Variants in ZDHHC18 observed in about 807,000 individuals in gnomAD.
ZDHHC18 encodes the protein palmitoyltransferase ZDHHC18.
A neutral mutation model predicts 37.5 loss-of-function variants in ZDHHC18; 23 were observed. That is an observed-to-expected ratio of 0.61 (90% CI 0.44 to 0.87). ZDHHC18 has a LOEUF of 0.87. Ranked by LOEUF, ZDHHC18 falls within the 40% of genes least tolerant of loss-of-function variation. ZDHHC18 has a pLI of 0.00. For missense variants in ZDHHC18, 406 were observed against 525.6 expected (o/e 0.77, Z 2.22); for synonymous variants, 185 against 218.7 (o/e 0.85, Z 1.36).
chr1:26,832,269 C>T (rs1043477280), intron 1 of ZDHHC18, among the ~76,000 whole-genome samples, 178 bp from the exon 2 acceptor site: 3 of 152,124 alleles, frequency 2.0e-5, no homozygotes, highest in South Asian at 2.1e-4. Context: ...TGTCTGTTCC[C>T]GGTACTTATT....
intron 2 of ZDHHC18, among the ~76,000 whole-genome samples, chr1:26,842,943 G>T (rs1302108518): frequency 6.6e-6 from 1 of 152,142 alleles, no homozygotes; most frequent in Admixed American, 6.5e-5. Flanking sequence ...GGGGGTATAG[G>T]CTGCCCCAGG....
At chr1:26,836,752 T>C (rs2081613687) in intron 2 of ZDHHC18, among the ~76,000 whole-genome samples, 1 of 149,618 alleles carries the variant, frequency 6.7e-6, no homozygotes, top group South Asian at 2.1e-4. Context: ...GTATTTTTAG[T>C]AGAGACGGGG....
At chr1:26,845,208 A>T (rs375110264) in intron 2 of ZDHHC18, among the ~76,000 whole-genome samples, 4 of 151,806 alleles carry the variant, frequency 2.6e-5, no homozygotes, top group South Asian at 4.2e-4. Flanking sequence ...TACAGGCTTA[A>T]GCCAAGGCGC....
At chr1:26,829,610 A>G (rs978103957) in intron 1 of ZDHHC18, among the ~76,000 whole-genome samples, 13 of 152,196 alleles carry the variant, frequency 8.5e-5, no homozygotes, top group African/African-American at 1.2e-4. Context: ...ATATTATGGT[A>G]TACTTGTTAG....
At position 26,856,495 on chromosome 1, in the gene ZDHHC18, G is replaced by A. The variant is rs2081734958; in HGVS notation, c.*2652G>A. 2 of 230,952 alleles carry A rather than the reference G, an allele frequency of 8.7e-6. No individual in the cohort carries two copies. The highest frequency in any genetic ancestry group is 4.4e-5 in the Admixed American group (1 of 22,548). 14.3% of individuals were successfully genotyped at this position (230,952 alleles called of 1,614,324 possible). A position where few individuals can be genotyped will look rare whatever the true frequency, so the allele number is the denominator to read the frequency against. ...TTGTGGACTGAGGAAGTAGCTTCTC[G>A]CAGAGCAGCTCTCCAGCTGGAAGAG... On this transcript the variant is annotated 3_prime_UTR_variant, in exon 8 of 8. Coordinates refer to ENST00000374142, the MANE Select transcript of ZDHHC18 (RefSeq NM_032283.3). The surrounding 1 kb of genome is among the most constrained non-coding windows in gnomAD (Gnocchi z 5.2).
intron 2 of ZDHHC18, among the ~76,000 whole-genome samples, chr1:26,833,839 A>G (rs1190077878): frequency 3.3e-5 from 5 of 152,084 alleles, no homozygotes; most frequent in Non-Finnish European, 7.4e-5. Context: ...GCCCTGCTGC[A>G]TCCATCGCTA....
At chr1:26,851,463 G>T (rs1276583454) in intron 6 of ZDHHC18, among the ~76,000 whole-genome samples, 1 of 152,208 alleles carries the variant, frequency 6.6e-6, no homozygotes, top group Non-Finnish European at 1.5e-5. Flanking sequence ...AAGGTCCCAG[G>T]TTGCTTTTCT....
chr1:26,853,056 A>C (rs377021253), intron 7 of ZDHHC18, 191 bp downstream of exon 7: 161 of 555,302 alleles, frequency 2.9e-4, no homozygotes, highest in African/African-American at 2.8e-3. Flanking sequence ...GTAGAAAAAA[A>C]AAATTAAGTA....
Position 26,855,960 on chromosome 1 carries a change from G to T in ZDHHC18, c.*2117G>T, listed in dbSNP as rs1348039558. On this transcript the variant is annotated 3_prime_UTR_variant, in exon 8 of 8. Transcript: ENST00000374142. Reference sequence around the variant, plus strand: ...AAAGAGGCCATCCTGTCCCCTCTTTGTCCCCTCCACCTTCCCCTGCCTCAG... The same window carrying T: ...AAAGAGGCCATCCTGTCCCCTCTTTTTCCCCTCCACCTTCCCCTGCCTCAG... The T allele has an allele frequency of 6.8e-6, 2 of 292,762 alleles. No homozygotes were observed. The highest frequency in any genetic ancestry group is 1.7e-4 in the East Asian group (2 of 11,912). 18.1% of individuals were successfully genotyped at this position (292,762 alleles called of 1,614,324 possible). A position where few individuals can be genotyped will look rare whatever the true frequency, so the allele number is the denominator to read the frequency against.
Position 26,843,516 on chromosome 1 carries a change from C to T in ZDHHC18, c.497-5092C>T, listed in dbSNP as rs187144965. Reference sequence around the variant, plus strand: ...AAAGTATACAAGTTGTGGCCGTGTACGGTGGTTCATGCCTGTAATACCAGC... The same window carrying T: ...AAAGTATACAAGTTGTGGCCGTGTATGGTGGTTCATGCCTGTAATACCAGC... On this transcript the variant is annotated intron_variant, in intron 2 of 7. Coordinates refer to ENST00000374142, the MANE Select transcript of ZDHHC18 (RefSeq NM_032283.3). Among the ~76,000 whole-genome samples, 36 of 148,926 alleles carry T rather than the reference C, an allele frequency of 2.4e-4. No individual in the cohort carries two copies. In the East Asian group the frequency reaches 4.3e-3, roughly 18 times the overall value.
In ZDHHC18 at chr1:26,853,956, C is replaced by G. The variant is rs2081720422; in HGVS notation, c.*113C>G. 1 of 955,936 alleles carries G rather than the reference C, an allele frequency of 1.0e-6. No homozygotes were observed. The highest frequency in any genetic ancestry group is 1.6e-6 in the Non-Finnish European group (1 of 618,226). The allele number at this position is 955,936 out of a possible 1,614,324, so 59.2% of individuals were successfully genotyped here. ...GAACTGCCAAAGACTCAAGTCTTTT[C>G]ATATTTATTTCCCATCCTGCGTGGC... On this transcript the variant is annotated 3_prime_UTR_variant, in exon 8 of 8. Coordinates refer to ENST00000374142, the MANE Select transcript of ZDHHC18 (RefSeq NM_032283.3).
chr1:26,837,031 A>C (rs1243892994), intron 2 of ZDHHC18, among the ~76,000 whole-genome samples: 1 of 147,686 alleles, frequency 6.8e-6, no homozygotes, highest in Admixed American at 6.8e-5. Flanking sequence ...GGTGGATCAC[A>C]AGGTCAGGAG....
At position 26,857,508 on chromosome 1, in the gene ZDHHC18, A is replaced by G. The variant is rs1030758964; in HGVS notation, c.*3665A>G. ...CTAAAGGAAAGAGCTGAGCCAAGGA[A>G]AATCAGCTGAGCCCAGGGCTGGGGG... is the stretch of plus-strand genomic sequence containing the variant. On this transcript the variant is annotated 3_prime_UTR_variant, in exon 8 of 8. Coordinates refer to ENST00000374142, the MANE Select transcript of ZDHHC18 (RefSeq NM_032283.3). 2 of 151,966 alleles carry G rather than the reference A, an allele frequency of 1.3e-5. No homozygotes were observed. The highest frequency in any genetic ancestry group is 4.8e-5 in the African/African-American group (2 of 41,304). 9.4% of individuals were successfully genotyped at this position (151,966 alleles called of 1,614,324 possible).
chr1:26,842,333 C>T (rs533667313), intron 2 of ZDHHC18, among the ~76,000 whole-genome samples: 5 of 152,294 alleles, frequency 3.3e-5, no homozygotes, highest in Admixed American at 2.0e-4. Flanking sequence ...TGCCATTTCA[C>T]ATATATTGAT....
In ZDHHC18 at chr1:26,827,005, G is replaced by A; in HGVS notation, c.201G>A (p.Arg67=). The A allele has an allele frequency of 1.6e-6, 2 of 1,240,034 alleles. No homozygotes were observed. The highest frequency in any genetic ancestry group is 2.0e-6 in the Non-Finnish European group (2 of 992,218). The allele number at this position is 1,240,034 out of a possible 1,614,324, so 76.8% of individuals were successfully genotyped here. A position where few individuals can be genotyped will look rare whatever the true frequency, so the allele number is the denominator to read the frequency against. Reference sequence around the variant, plus strand: ...GCGGGAGCCTCGGCCGCCGCCCACGGCGCAAGTGGGAGGTGTTCCCGGGTC... The same window carrying A: ...GCGGGAGCCTCGGCCGCCGCCCACGACGCAAGTGGGAGGTGTTCCCGGGTC... ...SGSGSLGRRP[R]RKWEVFPGRN... is the part of the protein sequence containing the mutation. Residue 67 remains arginine, a synonymous_variant, in exon 1 of 8, where the codon CGG becomes CGA. Transcript: ENST00000374142.
intron 2 of ZDHHC18, among the ~76,000 whole-genome samples, chr1:26,847,270 A>G (rs1169589995): frequency 6.6e-6 from 1 of 151,906 alleles, no homozygotes; most frequent in African/African-American, 2.4e-5. Context: ...CAATGGAGTG[A>G]TCCTGGCTCA....
chr1:26,841,123 C>T (rs566021788), intron 2 of ZDHHC18, among the ~76,000 whole-genome samples: 143 of 152,116 alleles, frequency 9.4e-4, no homozygotes, highest in African/African-American at 3.2e-3. Flanking sequence ...ATTACAGGTG[C>T]ACACCACCAC....
At position 26,841,336 on chromosome 1, in the gene ZDHHC18, G is replaced by C. The variant is rs191688164; in HGVS notation, c.497-7272G>C. Among the ~76,000 whole-genome samples, 536 of 152,156 alleles carry C rather than the reference G, an allele frequency of 3.5e-3. 1 individual carries two copies. Among genetic ancestry groups the C allele is most frequent in the African/African-American group, 0.012 (508 of 41,492 alleles). ...TTATAGAGATGGGGTCTCACACTATGTTACCCAGGCTGATCTCAAACTCCT... is the reference window on the plus strand; with the variant it reads ...TTATAGAGATGGGGTCTCACACTATCTTACCCAGGCTGATCTCAAACTCCT... On this transcript the variant is annotated intron_variant, in intron 2 of 7. Coordinates refer to ENST00000374142, the MANE Select transcript of ZDHHC18 (RefSeq NM_032283.3).
chr1:26,845,922 C>G (rs2081661575), intron 2 of ZDHHC18, among the ~76,000 whole-genome samples: 1 of 151,974 alleles, frequency 6.6e-6, no homozygotes, highest in Non-Finnish European at 1.5e-5. Flanking sequence ...CAACCATGCC[C>G]AGCCACCTCC....
Sources: gnomAD v4.1 joint callset for allele counts (sites outside exome capture counted in the v4.1 genomes callset) on GRCh38, gnomAD v4.1.1 for gene constraint, Gnocchi (gnomAD v3.1) non-coding constraint, MANE v1.5 for transcripts, NCBI Gene and HGNC (gene_info 2026-07-23, HGNC 2026-07-21) for gene names.